MOV10L1: variants seen among roughly 807,000 people sequenced by gnomAD.
MOV10L1 encodes the protein RNA helicase Mov10l1.
In MOV10L1, 110 loss-of-function variants were observed where a neutral mutation model predicts 143.8. That is an observed-to-expected ratio of 0.76 (90% confidence interval 0.66 to 0.90). The LOEUF is 0.90. MOV10L1 is among the 40% of genes least tolerant of loss of function. The pLI, the probability that MOV10L1 is intolerant of heterozygous loss-of-function variation, is 0.00. For synonymous variants in MOV10L1, 593 were observed against 581.1 expected (o/e 1.02, Z -0.29); for missense variants, 1,406 against 1,526.8 (o/e 0.92, Z 1.32).
chr22:50,151,664 C>G (rs919400726), intron 21 of MOV10L1, among the ~76,000 whole-genome samples: 3 of 152,264 alleles, frequency 2.0e-5, no homozygotes, highest in African/African-American at 7.2e-5. Context: ...CGCCTGAGAG[C>G]TCTGCTGTCC....
chr22:50,133,354 G>A (rs571428975), intron 13 of MOV10L1, among the ~76,000 whole-genome samples: 274 of 151,772 alleles, frequency 1.8e-3, no homozygotes, highest in Middle Eastern at 6.8e-3. Flanking sequence ...AGCACTTTGA[G>A]AGGCTGAGGT....
At position 50,150,747 on chromosome 22, in the gene MOV10L1, G is replaced by C. The variant is rs1371635148; in HGVS notation, c.2740G>C (p.Gly914Arg). ...CCTCTGTGTGCAGATCGTGCTGGCA[G>C]GAGACCCCATGCAGCTCGGCCCAGT... ...SDISGQIVLA[G>R]DPMQLGPVIK... The change falls in exon 21 of 27, where the codon GGA becomes CGA. Residue 914 changes from glycine (G) to arginine (R), a missense_variant. Physicochemically the swap from Gly to Arg is moderately radical, Grantham distance 125 (BLOSUM62 -2). Around this residue, in one of 3 missense-constraint regions of MOV10L1, gnomAD observed 1,233 missense variants for 1,351.4 expected, o/e 0.91. Transcript: ENST00000262794. 6.2e-7 allele frequency: 1 copy of C among 1,613,970 alleles called. No homozygotes were observed. Among genetic ancestry groups the C allele is most frequent in the Non-Finnish European group, 8.5e-7 (1 of 1,179,980 alleles).
In MOV10L1 at chr22:50,125,560, C is replaced by G. The variant is rs143354163; in HGVS notation, c.1738C>G (p.Leu580Val). The stretch of plus-strand genomic sequence containing the variant: ...AGGGTTGGCCGAAGGGAGGCCTTCT[C>G]TCTACGCAGGTGTGTTTGTTACTCA... ...VPGLAEGRPS[L>V]YAGDKLILKT... The change falls in exon 11 of 27, where the codon CTC (leucine) becomes GTC (valine). Residue 580 changes from leucine (L) to valine (V), a missense_variant. This residue lies in a region of MOV10L1 where 1,233 missense variants were observed against 1,351.4 expected (regional missense o/e 0.91). Coordinates refer to ENST00000262794, the MANE Select transcript of MOV10L1 (RefSeq NM_018995.3). The G allele has an allele frequency of 1.6e-5, 26 of 1,613,950 alleles. No homozygotes were observed. In the African/African-American group the frequency reaches 2.8e-4, roughly 17 times the overall value.
intron 15 of MOV10L1, among the ~76,000 whole-genome samples, chr22:50,138,425 G>A (rs2062892649): frequency 6.6e-6 from 1 of 151,996 alleles, no homozygotes; most frequent in Non-Finnish European, 1.5e-5. Flanking sequence ...GGGCATGGTG[G>A]CACACACCTG....
chr22:50,145,146 T>C (rs1283029600), intron 18 of MOV10L1, among the ~76,000 whole-genome samples: 1 of 151,824 alleles, frequency 6.6e-6, no homozygotes. Flanking sequence ...TTCACCATGT[T>C]GGTCAGGCTG....
intron 20 of MOV10L1, 125 bp downstream of exon 20, chr22:50,149,839 G>A (rs1331899650): frequency 2.0e-5 from 15 of 765,766 alleles, no homozygotes; most frequent in Admixed American, 2.6e-5. Context: ...CAAGGACCCC[G>A]AGGTGTTGGG....
At chr22:50,140,363 TCA>T (rs1261937852) in intron 15 of MOV10L1, among the ~76,000 whole-genome samples, 3 of 152,184 alleles carry the variant, frequency 2.0e-5, no homozygotes, top group Middle Eastern at 3.2e-3. Context: ...ACTTGTCAAG[TCA>T]CACACTTTAA....
At chr22:50,123,324 C>G (rs572222456) in intron 10 of MOV10L1, among the ~76,000 whole-genome samples, 1 of 151,980 alleles carries the variant, frequency 6.6e-6, no homozygotes, top group African/African-American at 2.4e-5. Context: ...TCCTTGCATT[C>G]CAGGAATAAA....
intron 15 of MOV10L1, among the ~76,000 whole-genome samples, chr22:50,138,795 C>A (rs184879956): frequency 0.01 from 1,523 of 152,134 alleles, 13 homozygotes; most frequent in Middle Eastern, 0.014. Context: ...CCTCCGCCTC[C>A]CAGATTCAAG....
Position 50,153,142 on chromosome 22 carries a change from C to G in MOV10L1, c.2990C>G (p.Pro997Arg), listed in dbSNP as rs373995577. 2.0e-4 allele frequency: 325 copies of G among 1,613,970 alleles called. 1 individual carries two copies. The highest frequency in any genetic ancestry group is 2.6e-4 in the Non-Finnish European group (302 of 1,179,962). The change falls in exon 22 of 27, where the codon CCC (proline) becomes CGC (arginine). Residue 997 changes from proline (P) to arginine (R), a missense_variant. Physicochemically the swap from Pro to Arg is moderately radical, Grantham distance 103 (BLOSUM62 -2). Coordinates refer to ENST00000262794, the MANE Select transcript of MOV10L1 (RefSeq NM_018995.3). ...AGGGAACTCGAGGTCTGTGCGGACC[C>G]CACAGTGGTGACCTCCTTGCTGGGC... ...YHRELEVCADPTVVTSLLGWE... is the reference protein window; with the variant it reads ...YHRELEVCADRTVVTSLLGWE...
Position 50,099,506 on chromosome 22 carries a change from G to A in MOV10L1, c.346G>A (p.Gly116Ser), listed in dbSNP as rs745413330. 1.5e-5 allele frequency: 25 copies of A among 1,614,182 alleles called. No individual in the cohort carries two copies. Among genetic ancestry groups the A allele is most frequent in the South Asian group, 1.3e-4 (12 of 91,072 alleles). ...AAACCATGGGAGTCCCTCAGACTGC[G>A]GCCCCCGAGTGTTGATTGGCTGTGT... ...SRNHGSPSDC[G>S]PRVLIGCVTS... The change falls in exon 3 of 27, where the codon GGC becomes AGC. Residue 116 changes from glycine to serine, a missense_variant. Gly to Ser is a moderately conservative substitution (Grantham distance 56). Transcript: ENST00000262794.
rs150746139 is a variant in MOV10L1, at chr22:50,124,947, A to G, written c.1570-445A>G. 6.0e-3 allele frequency among the ~76,000 whole-genome samples: 919 copies of G among 152,268 alleles called. 10 individuals are homozygous for G. Among genetic ancestry groups the G allele is most frequent in the East Asian group, 0.024 (122 of 5,184 alleles). On this transcript the variant is annotated intron_variant, in intron 10 of 26. Coordinates refer to ENST00000262794, the MANE Select transcript of MOV10L1 (RefSeq NM_018995.3). ...ACGTGATGTTCATTGTTTAAACACC[A>G]TCGTTTCTTATTTCTCTGTCTCTTT...
chr22:50,144,673 CCA>C (rs2063093039), intron 18 of MOV10L1, among the ~76,000 whole-genome samples: 1 of 151,998 alleles, frequency 6.6e-6, no homozygotes, highest in Non-Finnish European at 1.5e-5. Flanking sequence ...GCTCCGCCTC[CCA>C]GGTTCACACC....
At chr22:50,108,301 G>C in intron 4 of MOV10L1, 53 bp downstream of exon 4, 1 of 1,503,522 alleles carries the variant, frequency 6.7e-7, no homozygotes, top group South Asian at 1.2e-5. Context: ...CCTGCCATCA[G>C]GGGTAACTTG....
intron 2 of MOV10L1, chr22:50,095,299 C>T (rs961232888): frequency 6.6e-6 from 1 of 152,204 alleles, no homozygotes; most frequent in Non-Finnish European, 1.5e-5. Flanking sequence ...ATGCTTGTAT[C>T]TTTTATTAAT....
At position 50,153,223 on chromosome 22, in the gene MOV10L1, G is replaced by A; in HGVS notation, c.3066+5G>A. 1 of 1,609,834 alleles carries A rather than the reference G, an allele frequency of 6.2e-7. No homozygotes were observed. The highest frequency in any genetic ancestry group is 8.5e-7 in the Non-Finnish European group (1 of 1,176,608). Reference sequence around the variant, plus strand: ...CTCATCTTCCATGGTGTGCGGGTGAGTTGTGTCTTGAATCCGTAGGTGACC... The same window carrying A: ...CTCATCTTCCATGGTGTGCGGGTGAATTGTGTCTTGAATCCGTAGGTGACC... On this transcript the variant is annotated splice_donor_5th_base_variant and intron_variant, in intron 22 of 26. Coordinates refer to ENST00000262794, the MANE Select transcript of MOV10L1 (RefSeq NM_018995.3).
chr22:50,145,123 G>A (rs925493128), intron 18 of MOV10L1, among the ~76,000 whole-genome samples: 1 of 151,694 alleles, frequency 6.6e-6, no homozygotes, highest in South Asian at 2.1e-4. Context: ...TGTATTTTTA[G>A]TAGAGACAGG....
At chr22:50,109,890 C>A (rs1238079293) in intron 5 of MOV10L1, among the ~76,000 whole-genome samples, 1 of 152,008 alleles carries the variant, frequency 6.6e-6, no homozygotes, top group Non-Finnish European at 1.5e-5. Flanking sequence ...GTGGCTCACG[C>A]CTGTAATCCC....
rs768306482 is a variant in MOV10L1, at chr22:50,099,617, C to T, written c.442+15C>T. The T allele has an allele frequency of 6.3e-7, 1 of 1,585,986 alleles. No homozygotes were observed. The highest frequency in any genetic ancestry group is 8.6e-7 in the Non-Finnish European group (1 of 1,159,746). On this transcript the variant is annotated intron_variant, in intron 3 of 26. Transcript: ENST00000262794. The stretch of plus-strand genomic sequence containing the variant: ...TGTGTGCGAAGGTATGCTCAGGGGT[C>T]TGTGTTCCACATTGAAAATTAGGTT...
Sources: gnomAD v4.1 joint callset for allele counts (sites outside exome capture counted in the v4.1 genomes callset) on GRCh38, gnomAD v4.1.1 for gene constraint, gnomAD v4.1.1 regional missense constraint, MANE v1.5 for transcripts, NCBI Gene and HGNC (gene_info 2026-07-23, HGNC 2026-07-21) for gene names.